EPC1: variants seen among roughly 807,000 people sequenced by gnomAD.
EPC1 encodes enhancer of polycomb 1.
EPC1 carries 12 observed loss-of-function variants against 98.4 expected under a neutral mutation model. The ratio of observed to expected loss-of-function variants is 0.12; its 90% CI spans 0.08 to 0.20. EPC1 has a LOEUF of 0.20. EPC1 is among the 10% of genes least tolerant of loss of function. EPC1 has a pLI of 1.00. For missense variants in EPC1, 729 were observed against 990.5 expected, an observed-to-expected ratio of 0.74 and a Z score of 3.54; for synonymous variants, 357 against 363.9, an observed-to-expected ratio of 0.98 and a Z score of 0.21.
At chr10:32,293,771 T>G in intron 2 of EPC1, 34 bp from the exon 3 acceptor site, 6 of 1,568,086 alleles carry the variant, frequency 3.8e-6, no homozygotes, top group Non-Finnish European at 5.2e-6. Flanking sequence ...TCATTTACTG[T>G]GTGAATTCAC....
chr10:32,297,906 T>C (rs1835268484), intron 2 of EPC1, among the ~76,000 whole-genome samples: 1 of 151,988 alleles, frequency 6.6e-6, no homozygotes, highest in Admixed American at 6.6e-5. Context: ...AACACCATTC[T>C]CCTGCCTCGG....
intron 1 of EPC1, among the ~76,000 whole-genome samples, chr10:32,364,700 A>G (rs1839547258): frequency 6.6e-6 from 1 of 152,196 alleles, no homozygotes. Context: ...AAATGTAAAA[A>G]GCCAAGAAAA....
chr10:32,296,846 G>C (rs779197898), intron 2 of EPC1, among the ~76,000 whole-genome samples: 7 of 151,860 alleles, frequency 4.6e-5, no homozygotes, highest in Non-Finnish European at 7.4e-5. Context: ...GGCGGAGGTT[G>C]CAGTGAGCTG....
chr10:32,349,731 C>G (rs955944596), upstream of EPC1, among the ~76,000 whole-genome samples: 1 of 152,132 alleles, frequency 6.6e-6, no homozygotes, highest in Non-Finnish European at 1.5e-5. Flanking sequence ...CCATCAGTAG[C>G]TGGGACTAAA....
chr10:32,318,601 T>C (rs1320938376), intron 1 of EPC1, among the ~76,000 whole-genome samples: 1 of 152,220 alleles, frequency 6.6e-6, no homozygotes, highest in Non-Finnish European at 1.5e-5. Flanking sequence ...CCCTGCTCCA[T>C]GACTCTCCAA....
At chr10:32,329,448 C>A (rs896619909) in intron 1 of EPC1, among the ~76,000 whole-genome samples, 2 of 152,146 alleles carry the variant, frequency 1.3e-5, no homozygotes, top group African/African-American at 4.8e-5. Flanking sequence ...TGGAGGGAAA[C>A]CCTTAAACTC....
chr10:32,313,497 T>G (rs1366307793), intron 1 of EPC1, among the ~76,000 whole-genome samples: 2 of 152,194 alleles, frequency 1.3e-5, no homozygotes, highest in Non-Finnish European at 2.9e-5. Flanking sequence ...TAGAGAAATA[T>G]AAACAGGAAA....
intron 5 of EPC1, 158 bp downstream of exon 5, chr10:32,292,337 AT>A (rs1374859226): frequency 1.2e-5 from 6 of 485,406 alleles, no homozygotes; most frequent in Admixed American, 8.3e-5. Flanking sequence ...AGAGGAAAAC[AT>A]GTAAAAGTAT....
chr10:32,366,272 A>G (rs1839602081), intron 1 of EPC1, among the ~76,000 whole-genome samples: 1 of 152,222 alleles, frequency 6.6e-6, no homozygotes, highest in Admixed American at 6.5e-5. Flanking sequence ...GCATTGTACT[A>G]TAAGCCAGGG....
chr10:32,361,935 C>T (rs896115827), intron 1 of EPC1, among the ~76,000 whole-genome samples: 5 of 152,118 alleles, frequency 3.3e-5, no homozygotes, highest in Non-Finnish European at 5.9e-5. Flanking sequence ...ACCATCAAAA[C>T]CAAGATAGTG....
In EPC1 at chr10:32,347,121, C is replaced by T; in HGVS notation, c.-206G>A. ...CCTCTCTCGCTCGCTCTCTTCAATA[C>T]GCCATGGCCAACATGGCGGACATTA... On this transcript the variant is annotated 5_prime_UTR_variant, in exon 1 of 14. Transcript: ENST00000319778. 1.4e-6 allele frequency: 2 copies of T among 1,431,018 alleles called. No homozygotes were observed. Among genetic ancestry groups the T allele is most frequent in the South Asian group, 3.0e-5 (2 of 67,678 alleles). 88.6% of individuals were successfully genotyped at this position (1,431,018 alleles called of 1,614,324 possible).
At chr10:32,301,138 G>A (rs538146777) in intron 2 of EPC1, among the ~76,000 whole-genome samples, 5 of 151,684 alleles carry the variant, frequency 3.3e-5, no homozygotes, top group South Asian at 2.1e-4. Context: ...ACTCATACAC[G>A]CAAATGCATA....
intron 1 of EPC1, among the ~76,000 whole-genome samples, chr10:32,322,554 T>C (rs1309231002): frequency 6.6e-6 from 1 of 152,226 alleles, no homozygotes; most frequent in Non-Finnish European, 1.5e-5. Flanking sequence ...AATAACAGAT[T>C]TATCTATGGT....
At chr10:32,275,466 T>C (rs1223903620) in intron 10 of EPC1, among the ~76,000 whole-genome samples, 1 of 151,162 alleles carries the variant, frequency 6.6e-6, no homozygotes, top group Non-Finnish European at 1.5e-5. Flanking sequence ...ACCCCGTCTC[T>C]ATTAAAAATG....
intron 4 of EPC1, 71 bp from the exon 5 acceptor site, chr10:32,292,715 A>G: frequency 7.1e-7 from 1 of 1,411,966 alleles, no homozygotes; most frequent in African/African-American, 1.5e-5. Context: ...TTGACCCATA[A>G]AATTTATATA....
chr10:32,279,951 T>C (rs1381413527), intron 10 of EPC1, among the ~76,000 whole-genome samples: 1 of 152,162 alleles, frequency 6.6e-6, no homozygotes, highest in Non-Finnish European at 1.5e-5. Context: ...ACCACTGTGT[T>C]ATCCTGCTGC....
intron 1 of EPC1, chr10:32,346,500 T>G (rs1838822061): frequency 1.3e-5 from 6 of 468,878 alleles, no homozygotes; most frequent in East Asian, 8.2e-5. Context: ...CGTGACCCCT[T>G]TGTGCCTTTC....
intron 1 of EPC1, 132 bp downstream of exon 1, chr10:32,346,631 C>T (rs865853177): frequency 3.2e-6 from 3 of 936,342 alleles, no homozygotes; most frequent in African/African-American, 3.3e-5. Flanking sequence ...GGTATAGGCC[C>T]GGCCGGCGAC....
intron 1 of EPC1, chr10:32,377,049 G>A (rs181730648): frequency 1.3e-5 from 2 of 152,178 alleles, no homozygotes; most frequent in East Asian, 3.9e-4. Flanking sequence ...TCTCTAATCA[G>A]ATAACTCAAT....
Sources: allele counts gnomAD v4.1 joint callset (sites outside exome capture counted in the v4.1 genomes callset), GRCh38; gene constraint gnomAD v4.1.1; transcripts MANE v1.5; gene names NCBI Gene and HGNC (gene_info 2026-07-23, HGNC 2026-07-21).